Variants in SPAG16 observed in about 807,000 individuals in gnomAD.
SPAG16 encodes the protein sperm-associated antigen 16 protein.
SPAG16 carries 86 observed loss-of-function variants against 80.4 expected under a neutral mutation model. The observed-to-expected ratio is 1.07, with a 90% CI of 0.90 to 1.28. SPAG16 has a LOEUF of 1.28. SPAG16 is among the 50% of genes most tolerant of loss of function. The pLI is 0.00. For synonymous variants in SPAG16, 294 were observed against 265.9 expected, an observed-to-expected ratio of 1.11 and a Z score of -1.03; for missense variants, 870 against 765.3, an observed-to-expected ratio of 1.14 and a Z score of -1.61.
chr2:213,399,918 T>C (rs1329698422), intron 9 of SPAG16, among the ~76,000 whole-genome samples: 1 of 152,070 alleles, frequency 6.6e-6, no homozygotes, highest in African/African-American at 2.4e-5. Context: ...GTTTTAAATT[T>C]ACTGGCTTAA....
chr2:214,390,341 T>TA (rs756833750), intron 15 of SPAG16, among the ~76,000 whole-genome samples: 8,916 of 125,374 alleles, frequency 0.071, 957 homozygotes, highest in African/African-American at 0.23. Flanking sequence ...CTTTTTTTTT[T>TA]AAAAAAAAAA....
At chr2:213,981,486 T>C (rs552371178) in intron 12 of SPAG16, among the ~76,000 whole-genome samples, 1 of 152,126 alleles carries the variant, frequency 6.6e-6, no homozygotes, top group Non-Finnish European at 1.5e-5. Context: ...GATTATAATA[T>C]GGAGTTTCAT....
intron 10 of SPAG16, among the ~76,000 whole-genome samples, chr2:213,803,238 T>C (rs542162365): frequency 1.3e-5 from 2 of 152,294 alleles, no homozygotes; most frequent in Admixed American, 1.3e-4. Context: ...AGATGACAGA[T>C]TGGACATAAT....
At chr2:214,183,769 T>C (rs1413548994) in intron 15 of SPAG16, among the ~76,000 whole-genome samples, 2 of 152,056 alleles carry the variant, frequency 1.3e-5, no homozygotes, top group East Asian at 3.9e-4. Context: ...AGTGAGAGCC[T>C]GCTTGTCTTT....
In SPAG16 at chr2:213,516,996, G is replaced by C. The variant is rs551158853; in HGVS notation, c.1070+26906G>C. ...TCAAGTAAGAGAAAAAAAATGAAAG[G>C]CATTGAAATAGGAAAATAAGTCAAA... On this transcript the variant is annotated intron_variant, in intron 10 of 15. Coordinates refer to ENST00000331683, the MANE Select transcript of SPAG16 (RefSeq NM_024532.5). 3.3e-5 allele frequency among the ~76,000 whole-genome samples: 5 copies of C among 152,146 alleles called. No homozygotes were observed. The South Asian group carries it at 1.0e-3, about 32-fold the overall frequency.
intron 11 of SPAG16, among the ~76,000 whole-genome samples, chr2:213,912,034 A>G (rs1202418009): frequency 2.6e-5 from 4 of 152,130 alleles, no homozygotes; most frequent in African/African-American, 9.7e-5. Flanking sequence ...GCAAACTCAT[A>G]ATATTTAGCT....
chr2:214,404,494 A>G (rs1048468027), intron 15 of SPAG16, among the ~76,000 whole-genome samples: 10 of 152,222 alleles, frequency 6.6e-5, no homozygotes, highest in Admixed American at 3.3e-4. Context: ...TGAGGATAAC[A>G]TTACTGAAGA....
At chr2:214,119,967 A>T (rs1202933514) in intron 14 of SPAG16, among the ~76,000 whole-genome samples, 1 of 151,864 alleles carries the variant, frequency 6.6e-6, no homozygotes, top group Non-Finnish European at 1.5e-5. Flanking sequence ...AATATCTTGC[A>T]TATTTAGCTT....
At chr2:214,090,220 T>C (rs944939125) in intron 13 of SPAG16, among the ~76,000 whole-genome samples, 2 of 151,436 alleles carry the variant, frequency 1.3e-5, no homozygotes, top group Non-Finnish European at 2.9e-5. Flanking sequence ...AAGATAAAGA[T>C]GAAGACGAAG....
chr2:214,232,594 G>T (rs895469576), intron 15 of SPAG16, among the ~76,000 whole-genome samples: 7 of 151,804 alleles, frequency 4.6e-5, no homozygotes, highest in East Asian at 3.9e-4. Flanking sequence ...AGTCGGGGGG[G>T]GCTCAGATTG....
chr2:214,368,660 T>C (rs1016868458), intron 15 of SPAG16, among the ~76,000 whole-genome samples: 4 of 152,186 alleles, frequency 2.6e-5, no homozygotes, highest in African/African-American at 9.6e-5. Flanking sequence ...TTACCCTCTT[T>C]CCACTATTAC....
At chr2:213,323,130 T>C (rs775298424) in intron 5 of SPAG16, among the ~76,000 whole-genome samples, 1 of 152,146 alleles carries the variant, frequency 6.6e-6, no homozygotes, top group Non-Finnish European at 1.5e-5. Flanking sequence ...CTTTTCAGGA[T>C]GGCTATTATT....
chr2:213,444,563 C>T (rs2071178916), intron 9 of SPAG16, among the ~76,000 whole-genome samples: 1 of 152,094 alleles, frequency 6.6e-6, no homozygotes, highest in Non-Finnish European at 1.5e-5. Flanking sequence ...ATAGGGATTG[C>T]ATTAAATTTT....
chr2:213,617,487 G>T (rs191810747), intron 10 of SPAG16, among the ~76,000 whole-genome samples: 1 of 152,034 alleles, frequency 6.6e-6, no homozygotes, highest in Non-Finnish European at 1.5e-5. Flanking sequence ...GATTACAGGC[G>T]CCCACCACCA....
intron 10 of SPAG16, among the ~76,000 whole-genome samples, chr2:213,501,567 G>A (rs2074742587): frequency 6.6e-6 from 1 of 152,180 alleles, no homozygotes; most frequent in Non-Finnish European, 1.5e-5. Flanking sequence ...GAATTAGTAT[G>A]TCTTAAGACC....
At chr2:213,997,607 CAAACATT>C (rs2046585684) in intron 12 of SPAG16, among the ~76,000 whole-genome samples, 1 of 152,116 alleles carries the variant, frequency 6.6e-6, no homozygotes, top group Non-Finnish European at 1.5e-5. Context: ...TATCCTCATT[CAAACATT>C]AAAAAATACT....
intron 5 of SPAG16, among the ~76,000 whole-genome samples, chr2:213,319,706 A>G (rs2063538020): frequency 6.6e-6 from 1 of 151,994 alleles, no homozygotes; most frequent in East Asian, 1.9e-4. Context: ...AAATAGATCA[A>G]AGCAGCCTCT....
chr2:214,011,785 T>G (rs1161853553), intron 12 of SPAG16, among the ~76,000 whole-genome samples: 1 of 152,150 alleles, frequency 6.6e-6, no homozygotes, highest in Non-Finnish European at 1.5e-5. Flanking sequence ...TACTTAGCTT[T>G]GATGAGAAAG....
In SPAG16 at chr2:213,662,199, A is replaced by T. The variant is rs144282136; in HGVS notation, c.1070+172109A>T. On this transcript the variant is annotated intron_variant, in intron 10 of 15. Transcript: ENST00000331683. ...AGGGGAAAGGTTTGGAAAGATAGAC[A>T]TCATTCATTACAAGGTTAAATATGG... 8.0e-3 allele frequency among the ~76,000 whole-genome samples: 1,222 copies of T among 152,206 alleles called. 13 individuals are homozygous for T. The highest frequency in any genetic ancestry group is 0.028 in the African/African-American group (1,156 of 41,538).
Sources: allele counts gnomAD v4.1 joint callset (sites outside exome capture counted in the v4.1 genomes callset), GRCh38; gene constraint gnomAD v4.1.1; transcripts MANE v1.5; gene names NCBI Gene and HGNC (gene_info 2026-07-23, HGNC 2026-07-21).